Variants in ARHGEF6 observed in about 807,000 individuals in gnomAD.
The protein encoded by ARHGEF6 is rho guanine nucleotide exchange factor 6.
ARHGEF6 carries 9 observed loss-of-function variants against 70.3 expected under a neutral mutation model. The observed-to-expected ratio is 0.13, with a 90% confidence interval of 0.08 to 0.22. ARHGEF6 has a LOEUF of 0.22. ARHGEF6 is among the 10% of genes least tolerant of loss of function. The pLI, the probability that ARHGEF6 is intolerant of heterozygous loss-of-function variation, is 1.00. For missense variants in ARHGEF6, 470 were observed against 563.0 expected (o/e 0.83, Z 1.67); for synonymous variants, 201 against 207.8 (o/e 0.97, Z 0.28).
intron 6 of ARHGEF6, among the ~76,000 whole-genome samples, chrX:136,724,390 T>G (rs2076832993): frequency 8.9e-6 from 1 of 111,979 alleles, no homozygotes. Context: ...TTCACACTTT[T>G]CTAAAAAGAC....
Position 136,685,700 on chromosome X carries a change from T to C in ARHGEF6, c.1369A>G (p.Met457Val), listed in dbSNP as rs137954745. The change falls in exon 12 of 22, where the codon ATG (methionine) becomes GTG (valine). Residue 457 changes from methionine to valine, a missense_variant. Met to Val is a conservative substitution (Grantham distance 21, BLOSUM62 1). Around this residue, in one of 3 missense-constraint regions of ARHGEF6, gnomAD observed 379 missense variants for 449.3 expected, o/e 0.84. Coordinates refer to ENST00000250617, the MANE Select transcript of ARHGEF6 (RefSeq NM_004840.3). ...ACCTCACATGCTCCATACTGCACCA[T>C]TACTTGTGACATAAAAATCACATTT... is the stretch of plus-strand genomic sequence containing the variant. Reference protein sequence around the residue: ...LGNVIFMSQVMVQYGACEEKE... With the variant: ...LGNVIFMSQVVVQYGACEEKE... 7.1e-5 allele frequency: 86 copies of C among 1,208,327 alleles called. No individual in the cohort carries two copies. In the African/African-American group the frequency reaches 1.4e-3, roughly 20 times the overall value.
chrX:136,670,887 T>C, intron 20 of ARHGEF6, among the ~76,000 whole-genome samples: 1 of 111,488 alleles, frequency 9.0e-6, no homozygotes. Flanking sequence ...TCTCTGGGTC[T>C]CTCCCTGGAC....
chrX:136,727,395 T>TTCTTTCTTTCTCTC (rs1491576833), intron 6 of ARHGEF6, among the ~76,000 whole-genome samples: 2 of 53,613 alleles, frequency 3.7e-5, no homozygotes, highest in African/African-American at 7.9e-5. Context: ...CTTTCTTTCT[T>TTCTTTCTTTCTCTC]TCTCTCTCTC....
At position 136,780,900 on chromosome X, in the gene ARHGEF6, T is replaced by C. The variant is rs1184329720; in HGVS notation, c.-18A>G. On this transcript the variant is annotated 5_prime_UTR_variant, in exon 1 of 22. Transcript: ENST00000250617. ...GGATTCATTACTGAGGACGGTACACTCCAAACAGCACTCTGGGGCAGCTGC... is the reference window on the plus strand; with the variant it reads ...GGATTCATTACTGAGGACGGTACACCCCAAACAGCACTCTGGGGCAGCTGC... The C allele has an allele frequency of 8.3e-7, 1 of 1,211,246 alleles. No individual in the cohort carries two copies. Among genetic ancestry groups the C allele is most frequent in the Admixed American group, 2.2e-5 (1 of 45,987 alleles).
chrX:136,770,313 T>A (rs2077354848), intron 2 of ARHGEF6, among the ~76,000 whole-genome samples: 2 of 112,444 alleles, frequency 1.8e-5, no homozygotes, highest in South Asian at 3.6e-4. Context: ...AAACCAGTGA[T>A]CATTTTAACA....
At chrX:136,693,832 C>T (rs1240021280) in intron 9 of ARHGEF6, among the ~76,000 whole-genome samples, 1 of 111,229 alleles carries the variant, frequency 9.0e-6, no homozygotes, top group Admixed American at 9.5e-5. Flanking sequence ...GAGATTCCTC[C>T]TCTCCACCTC....
intron 3 of ARHGEF6, among the ~76,000 whole-genome samples, chrX:136,746,989 T>C (rs890078744): frequency 2.7e-5 from 3 of 111,703 alleles, no homozygotes; most frequent in Non-Finnish European, 5.6e-5. Flanking sequence ...TTACTAGCAT[T>C]TATATTTAAT....
intron 5 of ARHGEF6, among the ~76,000 whole-genome samples, chrX:136,737,851 A>C (rs2077002399): frequency 9.7e-6 from 1 of 103,119 alleles, no homozygotes; most frequent in African/African-American, 3.6e-5. Context: ...GAGTTGGGGT[A>C]GGAAAGAATT....
At chrX:136,729,414 G>C (rs2076909325) in intron 6 of ARHGEF6, among the ~76,000 whole-genome samples, 1 of 91,214 alleles carries the variant, frequency 1.1e-5, no homozygotes, top group Admixed American at 1.4e-4. Flanking sequence ...GTTGCAGTGA[G>C]CCAAGATCAT....
intron 2 of ARHGEF6, among the ~76,000 whole-genome samples, chrX:136,772,380 T>C (rs1168852729): frequency 3.6e-5 from 4 of 112,059 alleles, no homozygotes; most frequent in Non-Finnish European, 7.5e-5. Flanking sequence ...TTGTACTTAT[T>C]AAAATAACTT....
intron 11 of ARHGEF6, 68 bp from the exon 12 acceptor site, chrX:136,685,891 T>C: frequency 2.7e-6 from 3 of 1,121,094 alleles, no homozygotes; most frequent in Non-Finnish European, 3.7e-6. Flanking sequence ...AAGACCAAAG[T>C]AAGATGTGGC....
intron 2 of ARHGEF6, among the ~76,000 whole-genome samples, chrX:136,748,271 C>T (rs147932889): frequency 0.014 from 1,614 of 111,848 alleles, 30 homozygotes; most frequent in African/African-American, 0.05. Flanking sequence ...TGGGCTCTTC[C>T]TGGCTTTAGA....
intron 5 of ARHGEF6, among the ~76,000 whole-genome samples, chrX:136,737,699 AAGAC>A (rs909979754): frequency 9.6e-6 from 1 of 104,177 alleles, no homozygotes; most frequent in Non-Finnish European, 1.9e-5. Context: ...AAAAAAAAAA[AAGAC>A]AGAGAGAGAT....
In ARHGEF6 at chrX:136,666,793, A is replaced by C. The variant is rs1295943463; in HGVS notation, c.*1236T>G. On this transcript the variant is annotated 3_prime_UTR_variant, in exon 22 of 22. Coordinates refer to ENST00000250617, the MANE Select transcript of ARHGEF6 (RefSeq NM_004840.3). ...TCTAGTTTCTGGGATAAAGTGGATG[A>C]TGTGATTCAATGAGCAACTTGAGTT... The C allele has an allele frequency of 8.9e-6, 1 of 111,830 alleles. No individual in the cohort carries two copies. The highest frequency in any genetic ancestry group is 1.9e-5 in the Non-Finnish European group (1 of 53,224). 9.2% of individuals were successfully genotyped at this position (111,830 alleles called of 1,213,427 possible). A position where few individuals can be genotyped will look rare whatever the true frequency, so the allele number is the denominator to read the frequency against.
chrX:136,768,302 G>C (rs747032523), intron 2 of ARHGEF6: 1 of 112,510 alleles, frequency 8.9e-6, no homozygotes, highest in East Asian at 2.8e-4. Flanking sequence ...ACAGAAATAC[G>C]ATGCAATCTG....
At chrX:136,731,968 C>A (rs951319207) in intron 6 of ARHGEF6, 134 bp downstream of exon 6, 3 of 483,667 alleles carry the variant, frequency 6.2e-6, no homozygotes, top group South Asian at 3.3e-5. Context: ...CACTGTAATG[C>A]GAATGGCATT....
At chrX:136,715,661 C>A (rs2076729431) in intron 6 of ARHGEF6, among the ~76,000 whole-genome samples, 1 of 110,427 alleles carries the variant, frequency 9.1e-6, no homozygotes, top group East Asian at 2.9e-4. Flanking sequence ...CTGTAATTGA[C>A]AAACTTCTGG....
chrX:136,760,798 T>A (rs1349210924), intron 2 of ARHGEF6, among the ~76,000 whole-genome samples: 1 of 112,283 alleles, frequency 8.9e-6, no homozygotes, highest in Non-Finnish European at 1.9e-5. Flanking sequence ...CATTGTATTG[T>A]TTAACTTAAC....
At chrX:136,685,604 C>CAAAAAAAAAAAAAAAAAAAAAAAA in intron 12 of ARHGEF6, 73 bp downstream of exon 12, 1 of 935,125 alleles carries the variant, frequency 1.1e-6, no homozygotes, top group East Asian at 3.6e-5. Flanking sequence ...AAGACTCCGT[C>CAAAAAAAAAAAAAAAAAAAAAAAA]AAAAAAAAAA....
Sources: gnomAD v4.1 joint callset for allele counts (sites outside exome capture counted in the v4.1 genomes callset) on GRCh38, gnomAD v4.1.1 for gene constraint, gnomAD v4.1.1 regional missense constraint, MANE v1.5 for transcripts, NCBI Gene and HGNC (gene_info 2026-07-23, HGNC 2026-07-21) for gene names.